The following ARHGAP15 variants were observed in gnomAD, a reference collection of about 807,000 sequenced individuals.
ARHGAP15 encodes rho GTPase-activating protein 15.
In ARHGAP15, 51 loss-of-function variants were observed where a neutral mutation model predicts 63.7. The observed-to-expected ratio is 0.80, with a 90% CI of 0.64 to 1.01. ARHGAP15 has a LOEUF of 1.01. Among genes scored for constraint, ARHGAP15 ranks in the 50% least tolerant of loss-of-function variants. The pLI, the probability that ARHGAP15 is intolerant of heterozygous loss-of-function variation, is 0.00. For synonymous variants in ARHGAP15, 191 were observed against 193.8 expected (o/e 0.99, Z 0.12); for missense variants, 560 against 564.6 (o/e 0.99, Z 0.08).
chr2:143,557,855 T>C lies in ARHGAP15; in HGVS notation c.1003+1370T>C, dbSNP rs532254511. On this transcript the variant is annotated intron_variant, in intron 11 of 13. Coordinates refer to ENST00000295095, the MANE Select transcript of ARHGAP15 (RefSeq NM_018460.4). ...TGAAAAACAAGAAGACCAACACATC[T>C]TAAGTTGGTGTTATAGACAGCTCAT... 1.1e-3 allele frequency among the ~76,000 whole-genome samples: 174 copies of C among 152,176 alleles called. 3 individuals carry two copies. The highest frequency in any genetic ancestry group is 1.4e-3 in the Non-Finnish European group (97 of 67,956).
intron 6 of ARHGAP15, among the ~76,000 whole-genome samples, chr2:143,352,059 CT>C (rs1267179166): frequency 6.6e-6 from 1 of 152,116 alleles, no homozygotes; most frequent in Non-Finnish European, 1.5e-5. Context: ...CCTGAATAAC[CT>C]TTATTGTCCT....
chr2:143,682,964 A>G lies in ARHGAP15; in HGVS notation c.1139-20455A>G, dbSNP rs1360478504. On this transcript the variant is annotated intron_variant, in intron 12 of 13. Transcript: ENST00000295095. Reference sequence around the variant, plus strand: ...ACTGAATACATTCCCGGAGTTATTGATGGCACTGTAATTTTACGTTTATTT... The same window carrying G: ...ACTGAATACATTCCCGGAGTTATTGGTGGCACTGTAATTTTACGTTTATTT... The G allele has an allele frequency of 5.3e-5, 8 of 152,166 alleles. No individual in the cohort carries two copies. The South Asian group carries it at 1.7e-3, about 31-fold the overall frequency. The allele number at this position is 152,166 out of a possible 1,614,324, so 9.4% of individuals were successfully genotyped here.
chr2:143,241,965 A>G (rs1455940461), intron 5 of ARHGAP15, among the ~76,000 whole-genome samples: 1 of 152,202 alleles, frequency 6.6e-6, no homozygotes, highest in Non-Finnish European at 1.5e-5. Flanking sequence ...GCTTAAAGCA[A>G]TCTGTGGGAG....
chr2:143,572,314 C>A (rs1474454048), intron 11 of ARHGAP15, among the ~76,000 whole-genome samples: 1 of 152,142 alleles, frequency 6.6e-6, no homozygotes, highest in African/African-American at 2.4e-5. Context: ...CATTTCACCC[C>A]TGTCCTCACC....
chr2:143,669,523 C>T (rs1682411481), intron 12 of ARHGAP15, among the ~76,000 whole-genome samples: 1 of 152,138 alleles, frequency 6.6e-6, no homozygotes, highest in African/African-American at 2.4e-5. Context: ...AGTATAGGTA[C>T]CATGTGGAAA....
chr2:143,359,304 A>T (rs1438279224), intron 6 of ARHGAP15, among the ~76,000 whole-genome samples: 1 of 152,162 alleles, frequency 6.6e-6, no homozygotes, highest in Non-Finnish European at 1.5e-5. Context: ...CCATCTTGCA[A>T]CATCTACATT....
In ARHGAP15 at chr2:143,387,747, G is replaced by A. The variant is rs545649270; in HGVS notation, c.475-47854G>A. Among the ~76,000 whole-genome samples the A allele has an allele frequency of 6.6e-5, 10 of 151,408 alleles. No individual in the cohort carries two copies. The East Asian group carries it at 1.4e-3, about 20-fold the overall frequency. On this transcript the variant is annotated intron_variant, in intron 6 of 13. Coordinates refer to ENST00000295095, the MANE Select transcript of ARHGAP15 (RefSeq NM_018460.4). The stretch of plus-strand genomic sequence containing the variant: ...GCTACTGATCTTTATTACAAAAAGT[G>A]GGAAAAAACAGAGTTCTTAACTGCT...
intron 6 of ARHGAP15, among the ~76,000 whole-genome samples, chr2:143,320,410 C>CCCGCCCCCCCCCCG (rs1683958360): frequency 5.3e-5 from 1 of 19,046 alleles, no homozygotes; most frequent in Non-Finnish European, 1.2e-4. Context: ...ACTTCCCCAC[C>CCCGCCCCCCCCCCG]CCCCCCCCCC....
chr2:143,477,399 T>C (rs1301523238), intron 8 of ARHGAP15, among the ~76,000 whole-genome samples: 1 of 151,748 alleles, frequency 6.6e-6, no homozygotes, highest in Non-Finnish European at 1.5e-5. Flanking sequence ...ATGCCTATCA[T>C]ATTTTAATTA....
At chr2:143,280,020 T>G (rs1252313843) in intron 6 of ARHGAP15, among the ~76,000 whole-genome samples, 3 of 152,156 alleles carry the variant, frequency 2.0e-5, no homozygotes, top group Non-Finnish European at 2.9e-5. Context: ...CCAAACACTT[T>G]AGAGAAGATT....
intron 11 of ARHGAP15, among the ~76,000 whole-genome samples, chr2:143,557,179 A>C (rs1695839176): frequency 6.6e-6 from 1 of 152,130 alleles, no homozygotes; most frequent in Non-Finnish European, 1.5e-5. Context: ...TACACACAAA[A>C]ACCTATACAC....
intron 10 of ARHGAP15, among the ~76,000 whole-genome samples, chr2:143,556,094 G>A (rs1226284572): frequency 6.6e-6 from 1 of 151,952 alleles, no homozygotes; most frequent in African/African-American, 2.4e-5. Context: ...CAAACGTCTG[G>A]AGGTTTCCCC....
At chr2:143,744,300 C>G (rs1686076241) in intron 13 of ARHGAP15, among the ~76,000 whole-genome samples, 2 of 152,180 alleles carry the variant, frequency 1.3e-5, no homozygotes, top group South Asian at 4.1e-4. Context: ...AACATAAACA[C>G]TTGGCTAAGG....
chr2:143,717,604 T>A (rs976040296), intron 13 of ARHGAP15, among the ~76,000 whole-genome samples: 1 of 152,164 alleles, frequency 6.6e-6, no homozygotes, highest in Non-Finnish European at 1.5e-5. Context: ...AACTGTGGAG[T>A]TGTTCCCTGA....
intron 1 of ARHGAP15, among the ~76,000 whole-genome samples, chr2:143,136,791 T>C (rs1001864229): frequency 6.6e-6 from 1 of 152,132 alleles, no homozygotes; most frequent in Non-Finnish European, 1.5e-5. Context: ...TTTTTGAGGT[T>C]CTATTGATAT....
At chr2:143,505,497 A>G (rs779743485) in intron 9 of ARHGAP15, among the ~76,000 whole-genome samples, 2 of 152,242 alleles carry the variant, frequency 1.3e-5, no homozygotes, top group African/African-American at 2.4e-5. Context: ...GGAAGCCCAA[A>G]GGAGACAAAA....
intron 12 of ARHGAP15, among the ~76,000 whole-genome samples, chr2:143,671,530 T>C (rs184077764): frequency 5.2e-4 from 79 of 152,310 alleles, no homozygotes; most frequent in Admixed American, 3.2e-3. Flanking sequence ...GTTTTATCTT[T>C]GCAAAATTTT....
At chr2:143,694,051 C>T (rs1683734053) in intron 12 of ARHGAP15, among the ~76,000 whole-genome samples, 1 of 152,126 alleles carries the variant, frequency 6.6e-6, no homozygotes. Flanking sequence ...TTCTAAAGTA[C>T]TGCGCAGGCT....
At chr2:143,257,121 G>A (rs1680467305) in intron 6 of ARHGAP15, among the ~76,000 whole-genome samples, 1 of 152,074 alleles carries the variant, frequency 6.6e-6, no homozygotes, top group South Asian at 2.1e-4. Context: ...CGAACTTTAT[G>A]TTGCCTGGGT....
Sources: allele counts gnomAD v4.1 joint callset (sites outside exome capture counted in the v4.1 genomes callset), GRCh38; gene constraint gnomAD v4.1.1; transcripts MANE v1.5; gene names NCBI Gene and HGNC (gene_info 2026-07-23, HGNC 2026-07-21).